DOCK3: variants seen among roughly 807,000 people sequenced by gnomAD.
DOCK3 encodes dedicator of cytokinesis protein 3.
DOCK3 carries 60 observed loss-of-function variants against 265.6 expected under a neutral mutation model. The observed-to-expected ratio is 0.23, with a 90% CI of 0.18 to 0.28. The LOEUF (loss-of-function observed/expected upper bound fraction) is 0.28. Ranked by LOEUF, DOCK3 falls within the 10% of genes least tolerant of loss-of-function variation. The pLI, the probability that DOCK3 is intolerant of heterozygous loss-of-function variation, is 1.00. For missense variants in DOCK3, 1,981 were observed against 2,594.3 expected (o/e 0.76, Z 5.14); for synonymous variants, 881 against 938.0 (o/e 0.94, Z 1.11).
chr3:51,272,030 A>C (rs1270692664), intron 24 of DOCK3, among the ~76,000 whole-genome samples: 2 of 152,194 alleles, frequency 1.3e-5, no homozygotes, highest in Non-Finnish European at 2.9e-5. Flanking sequence ...ATATACTAGC[A>C]GCCTAGTCTG....
At chr3:50,725,512 G>A (rs1475589683) in intron 1 of DOCK3, among the ~76,000 whole-genome samples, 1 of 152,152 alleles carries the variant, frequency 6.6e-6, no homozygotes, top group Admixed American at 6.5e-5. Flanking sequence ...TGATTAAAGT[G>A]GCAAAAATGT....
Position 51,260,337 on chromosome 3 carries a change from T to C in DOCK3, c.2355+11T>C. The C allele has an allele frequency of 6.3e-7, 1 of 1,596,976 alleles. No homozygotes were observed. The highest frequency in any genetic ancestry group is 8.5e-7 in the Non-Finnish European group (1 of 1,170,984). The stretch of plus-strand genomic sequence containing the variant: ...CTCCTTTTTACTCAGGTTCGCACAC[T>C]GCAGGGAAGCTTTGATGCTGGGTTC... On this transcript the variant is annotated intron_variant, in intron 23 of 52. Coordinates refer to ENST00000266037, the MANE Select transcript of DOCK3 (RefSeq NM_004947.5).
At chr3:51,025,507 A>G (rs1273123006) in intron 5 of DOCK3, among the ~76,000 whole-genome samples, 2 of 152,040 alleles carry the variant, frequency 1.3e-5, no homozygotes, top group African/African-American at 4.8e-5. Context: ...CCACAGAGAT[A>G]GCAACCACAG....
intron 4 of DOCK3, among the ~76,000 whole-genome samples, chr3:50,890,515 A>G (rs181990960): frequency 6.0e-4 from 91 of 152,230 alleles, no homozygotes; most frequent in Non-Finnish European, 1.1e-3. Flanking sequence ...TTTGATCACA[A>G]ATTTTAAAAA....
intron 5 of DOCK3, among the ~76,000 whole-genome samples, chr3:50,945,505 GTC>G (rs1354126031): frequency 1.3e-5 from 2 of 152,178 alleles, no homozygotes; most frequent in East Asian, 3.9e-4. Flanking sequence ...TTTTTAAAGA[GTC>G]TCTAAGAAAT....
intron 9 of DOCK3, among the ~76,000 whole-genome samples, chr3:51,123,023 C>A (rs2084101414): frequency 6.6e-6 from 1 of 152,178 alleles, no homozygotes; most frequent in African/African-American, 2.4e-5. Context: ...TGATAACAGT[C>A]CCCATGCTGT....
chr3:51,333,191 C>T lies in DOCK3; in HGVS notation c.3549C>T (p.Arg1183=), dbSNP rs373794438. ...LLEKVEQETW[R]ETGISFVTSV... is the part of the protein sequence containing the mutation. ...AGAAGGTTGAACAAGAAACATGGCG[C>T]GAGACCGGCATTTCCTTTGTGACCT... The change falls in exon 35 of 53, where the codon CGC becomes CGT. Residue 1183 remains arginine, a synonymous_variant. Coordinates refer to ENST00000266037, the MANE Select transcript of DOCK3 (RefSeq NM_004947.5). The T allele has an allele frequency of 1.7e-4, 269 of 1,613,770 alleles. 1 individual carries two copies. Among genetic ancestry groups the T allele is most frequent in the Non-Finnish European group, 2.0e-4 (234 of 1,179,908 alleles).
chr3:51,090,608 T>G (rs975566226), intron 9 of DOCK3, among the ~76,000 whole-genome samples: 1 of 152,082 alleles, frequency 6.6e-6, no homozygotes, highest in Non-Finnish European at 1.5e-5. Flanking sequence ...ACATAGAAGC[T>G]CAAAATCGAG....
chr3:51,055,746 A>G (rs1251971897), intron 5 of DOCK3, among the ~76,000 whole-genome samples: 1 of 80,290 alleles, frequency 1.2e-5, no homozygotes, highest in Non-Finnish European at 3.3e-5. Context: ...CTCCATTGTC[A>G]TATCTCTAAT....
intron 49 of DOCK3, among the ~76,000 whole-genome samples, chr3:51,364,514 T>C (rs1040446871): frequency 6.6e-5 from 10 of 152,246 alleles, no homozygotes; most frequent in African/African-American, 2.4e-4. Flanking sequence ...CAATTTTGGC[T>C]TTTGTTGCCA....
chr3:51,356,545 A>G (rs368160566), intron 43 of DOCK3, 52 bp downstream of exon 43: 1 of 1,566,460 alleles, frequency 6.4e-7, no homozygotes, highest in Non-Finnish European at 8.7e-7. Flanking sequence ...CATCAGCCCC[A>G]GCTCTGGGGG....
intron 1 of DOCK3, among the ~76,000 whole-genome samples, chr3:50,687,747 A>T (rs2034931900): frequency 6.6e-6 from 1 of 152,264 alleles, no homozygotes; most frequent in Non-Finnish European, 1.5e-5. Flanking sequence ...AAAGCTGTCC[A>T]GTCATGGCAG....
intron 2 of DOCK3, among the ~76,000 whole-genome samples, chr3:50,831,964 A>G (rs1310338396): frequency 6.6e-6 from 1 of 152,068 alleles, no homozygotes; most frequent in African/African-American, 2.4e-5. Context: ...TTTGATTTGC[A>G]TTTCTCTAAT....
intron 17 of DOCK3, among the ~76,000 whole-genome samples, chr3:51,228,319 A>G (rs2090414236): frequency 6.6e-6 from 1 of 152,190 alleles, no homozygotes; most frequent in African/African-American, 2.4e-5. Flanking sequence ...ACTTCACTGG[A>G]TGGAAATCCA....
chr3:50,918,726 T>C (rs948325408), intron 4 of DOCK3, among the ~76,000 whole-genome samples: 1 of 152,212 alleles, frequency 6.6e-6, no homozygotes, highest in Non-Finnish European at 1.5e-5. Context: ...TTCACTCTGA[T>C]GGTAGTTTCT....
chr3:51,180,206 T>G (rs1181026411), intron 12 of DOCK3, among the ~76,000 whole-genome samples: 1 of 27,436 alleles, frequency 3.6e-5, no homozygotes, highest in Non-Finnish European at 7.9e-5. Flanking sequence ...AGACCCTGTC[T>G]CAAAAAAAAA....
chr3:51,133,730 G>T (rs927958524), intron 9 of DOCK3, among the ~76,000 whole-genome samples: 1 of 152,040 alleles, frequency 6.6e-6, no homozygotes, highest in Non-Finnish European at 1.5e-5. Context: ...TAGAGAACAG[G>T]CATGGGAATG....
chr3:50,778,004 T>A (rs1296483220), intron 1 of DOCK3, among the ~76,000 whole-genome samples: 1 of 152,176 alleles, frequency 6.6e-6, no homozygotes, highest in Non-Finnish European at 1.5e-5. Context: ...TCAGGGGGAA[T>A]GCTTTCAACT....
intron 5 of DOCK3, among the ~76,000 whole-genome samples, chr3:51,053,110 T>TATATATAG (rs2081066270): frequency 8.0e-6 from 1 of 125,150 alleles, no homozygotes; most frequent in African/African-American, 2.9e-5. Flanking sequence ...TATATATATA[T>TATATATAG]ATATATATAT....
Sources: allele counts gnomAD v4.1 joint callset (sites outside exome capture counted in the v4.1 genomes callset), GRCh38; gene constraint gnomAD v4.1.1; transcripts MANE v1.5; gene names NCBI Gene and HGNC (gene_info 2026-07-23, HGNC 2026-07-21).